The following PGD variants were observed in gnomAD, a reference collection of about 807,000 sequenced individuals.
PGD encodes 6-phosphogluconate dehydrogenase, decarboxylating.
Under a neutral mutation model 60.4 loss-of-function variants are expected in PGD, and 21 were observed. The observed-to-expected ratio is 0.35, with a 90% CI of 0.25 to 0.50. The LOEUF (loss-of-function observed/expected upper bound fraction) is 0.50, where lower values mean the gene tolerates loss of function less well. Ranked by LOEUF, PGD falls within the 20% of genes least tolerant of loss-of-function variation. The pLI, the probability that PGD is intolerant of heterozygous loss-of-function variation, is 0.98. For synonymous variants in PGD, 230 were observed against 235.9 expected (o/e 0.97, Z 0.23); for missense variants, 477 against 613.1 (o/e 0.78, Z 2.34).
At chr1:10,407,948 C>CAA (rs71583867) in intron 5 of PGD, 123 bp from the exon 6 acceptor site, 1,738 of 580,350 alleles carry the variant, frequency 3.0e-3, no homozygotes, top group East Asian at 4.1e-3. Context: ...GACCCTGTCT[C>CAA]AAAAAAAAAA....
chr1:10,408,425 A>G (rs1021903559), intron 6 of PGD, among the ~76,000 whole-genome samples: 1 of 151,790 alleles, frequency 6.6e-6, no homozygotes, highest in Non-Finnish European at 1.5e-5. Flanking sequence ...GTGAAATAAG[A>G]TTTTTTCGAG....
rs764232779 is a variant in PGD at position 10,404,306 on chromosome 1, C to A, written c.449+27C>A. 4 of 1,432,444 alleles carry A rather than the reference C, an allele frequency of 2.8e-6. No individual in the cohort carries two copies. In the African/African-American group the frequency reaches 5.7e-5, roughly 20 times the overall value. 88.7% of individuals were successfully genotyped at this position (1,432,444 alleles called of 1,614,324 possible). ...TGAGTGCCATCAGCACTGTGCCCATCTCTGTACAAGGGAGCTGGACTTTGA... is the reference window on the plus strand; with the variant it reads ...TGAGTGCCATCAGCACTGTGCCCATATCTGTACAAGGGAGCTGGACTTTGA... On this transcript the variant is annotated intron_variant, in intron 5 of 12. Transcript: ENST00000270776.
intron 8 of PGD, among the ~76,000 whole-genome samples, chr1:10,414,827 TCACGCCTGTAATCCCAGCACTTTG>T (rs1639567561): frequency 6.6e-6 from 1 of 151,214 alleles, no homozygotes; most frequent in East Asian, 2.0e-4. Context: ...GCGCGGTGGC[TCACGCCTGTAATCCCAGCACTTTG>T]GGTGACCGAG....
In PGD at chr1:10,418,887, C is replaced by T; in HGVS notation, c.1171C>T (p.Leu391=). 3 of 1,612,192 alleles carry T rather than the reference C, an allele frequency of 1.9e-6. No homozygotes were observed. Among genetic ancestry groups the T allele is most frequent in the East Asian group, 2.2e-5 (1 of 44,868 alleles). ...AAACCCGGAACTTCAGAACCTCCTA[C>T]TGGACGACTTCTTTAAGTCAGCTGT... ...DRNPELQNLL[L]DDFFKSAVEN... is the part of the protein sequence containing the mutation. The change falls in exon 11 of 13, where the codon CTG becomes TTG. Residue 391 remains leucine (L), a synonymous_variant. Transcript: ENST00000270776.
intron 6 of PGD, among the ~76,000 whole-genome samples, chr1:10,408,679 G>A (rs1639447893): frequency 6.6e-6 from 1 of 152,160 alleles, no homozygotes. Context: ...TGCGATCTTG[G>A]CTCACCGCAA....
In PGD at chr1:10,413,203, T is replaced by G. The variant is rs1639528872; in HGVS notation, c.796T>G (p.Trp266Gly). The stretch of plus-strand genomic sequence containing the variant: ...CGCGGGGCAGAAGGGCACAGGGAAG[T>G]GGACCGCCATCTCCGCCCTGGAATA... ...DSAGQKGTGK[W>G]TAISALEYGV... is the part of the protein sequence containing the mutation. Residue 266 changes from tryptophan (W) to glycine (G), a missense_variant, in exon 8 of 13, where the codon TGG becomes GGG. Trp to Gly is a radical substitution (Grantham distance 184). Coordinates refer to ENST00000270776, the MANE Select transcript of PGD (RefSeq NM_002631.4). 6.2e-7 allele frequency: 1 copy of G among 1,614,076 alleles called. No homozygotes were observed. Among genetic ancestry groups the G allele is most frequent in the Non-Finnish European group, 8.5e-7 (1 of 1,180,040 alleles).
At chr1:10,402,848 G>A (rs1569970131) in intron 3 of PGD, among the ~76,000 whole-genome samples, 1 of 152,126 alleles carries the variant, frequency 6.6e-6, no homozygotes, top group Admixed American at 6.5e-5. Flanking sequence ...AAAACTAGCT[G>A]GGCATTGTGG....
chr1:10,411,690 G>C (rs1263255530), intron 7 of PGD, 138 bp downstream of exon 7: 1 of 867,168 alleles, frequency 1.2e-6, no homozygotes, highest in African/African-American at 1.7e-5. Flanking sequence ...GAGGGAAACT[G>C]TTAGTAATAG....
At chr1:10,403,854 T>C (rs140582993) in intron 4 of PGD, among the ~76,000 whole-genome samples, 305 of 152,338 alleles carry the variant, frequency 2.0e-3, no homozygotes, top group Non-Finnish European at 3.5e-3. Flanking sequence ...TTGAGTCTTA[T>C]TCAAGGTCTT....
chr1:10,402,397 C>T (rs762662568), intron 3 of PGD, among the ~76,000 whole-genome samples: 1 of 151,758 alleles, frequency 6.6e-6, no homozygotes, highest in Non-Finnish European at 1.5e-5. Context: ...TAGTGTGCAG[C>T]TCTGGCCACA....
chr1:10,404,325 A>T, intron 5 of PGD, 46 bp downstream of exon 5: 1 of 1,232,220 alleles, frequency 8.1e-7, no homozygotes, highest in East Asian at 2.5e-5. Flanking sequence ...AGGGAGCTGG[A>T]CTTTGAGAAC....
At chr1:10,419,315 C>G in intron 11 of PGD, 102 bp from the exon 12 acceptor site, 1 of 1,499,600 alleles carries the variant, frequency 6.7e-7, no homozygotes, top group South Asian at 1.3e-5. Context: ...CCGCGCCTGG[C>G]CTAACCATCA....
At chr1:10,407,719 G>A (rs981680094) in intron 5 of PGD, among the ~76,000 whole-genome samples, 7 of 152,102 alleles carry the variant, frequency 4.6e-5, no homozygotes, top group African/African-American at 1.7e-4. Context: ...TCCACGGTGG[G>A]TGGATCACTT....
At chr1:10,419,587 G>A (rs1639655230) in intron 12 of PGD, 43 bp from the exon 13 acceptor site, 3 of 1,613,968 alleles carry the variant, frequency 1.9e-6, no homozygotes, top group Admixed American at 3.3e-5. Flanking sequence ...TCGGGGGCGT[G>A]CGCCATGGAC....
At chr1:10,402,354 G>A (rs981889108) in intron 3 of PGD, among the ~76,000 whole-genome samples, 3 of 151,814 alleles carry the variant, frequency 2.0e-5, no homozygotes, top group Admixed American at 1.3e-4. Context: ...ACAGGTGTGA[G>A]CCACTGAGCC....
chr1:10,419,978 G>A lies in PGD; in HGVS notation c.*229G>A. On this transcript the variant is annotated 3_prime_UTR_variant, in exon 13 of 13. Coordinates refer to ENST00000270776, the MANE Select transcript of PGD (RefSeq NM_002631.4). ...CCAGGAGCTGCTCATGTGCGTGAGA[G>A]TGGGAACCATCTCCTTGCGGCAGTG... is the stretch of plus-strand genomic sequence containing the variant. 1.9e-6 allele frequency: 1 copy of A among 534,026 alleles called. No individual in the cohort carries two copies. The highest frequency in any genetic ancestry group is 3.4e-6 in the Non-Finnish European group (1 of 297,820). 33.1% of individuals were successfully genotyped at this position (534,026 alleles called of 1,614,324 possible).
At chr1:10,416,946 C>G (rs1280654812) in intron 8 of PGD, 41 bp from the exon 9 acceptor site, 1 of 1,604,652 alleles carries the variant, frequency 6.2e-7, no homozygotes, top group South Asian at 1.1e-5. Context: ...GCTCAGAGGC[C>G]TGACAGTAAT....
chr1:10,407,580 G>T (rs548029874), intron 5 of PGD, among the ~76,000 whole-genome samples: 1 of 152,298 alleles, frequency 6.6e-6, no homozygotes, highest in Admixed American at 6.5e-5. Flanking sequence ...TCAGTCAAGG[G>T]TCTGCAGTTG....
intron 10 of PGD, among the ~76,000 whole-genome samples, chr1:10,418,321 C>T (rs917924095): frequency 4.6e-5 from 7 of 152,132 alleles, no homozygotes; most frequent in Admixed American, 2.6e-4. Context: ...TTTTCTTCAG[C>T]CTCAAAAAGC....
Sources: gnomAD v4.1 joint callset for allele counts (sites outside exome capture counted in the v4.1 genomes callset) on GRCh38, gnomAD v4.1.1 for gene constraint, MANE v1.5 for transcripts, NCBI Gene and HGNC (gene_info 2026-07-23, HGNC 2026-07-21) for gene names.